The following UGT3A1 variants were observed in gnomAD, a reference collection of about 807,000 sequenced individuals.
UGT3A1 encodes UDP-glycosyltransferase 3A1.
In UGT3A1, 40 loss-of-function variants were observed where a neutral mutation model predicts 37.6. That is an observed-to-expected ratio of 1.06 (90% CI 0.83 to 1.38). The LOEUF (loss-of-function observed/expected upper bound fraction) is 1.38. Among genes scored for constraint, UGT3A1 ranks in the 40% most tolerant of loss-of-function variants. The pLI, the probability that UGT3A1 is intolerant of heterozygous loss-of-function variation, is 0.00. For missense variants in UGT3A1, 642 were observed against 634.2 expected (o/e 1.01, Z -0.13); for synonymous variants, 256 against 232.3 (o/e 1.10, Z -0.93).
intron 2 of UGT3A1, among the ~76,000 whole-genome samples, chr5:35,973,932 T>A (rs540588068): frequency 6.6e-6 from 1 of 152,262 alleles, no homozygotes; most frequent in South Asian, 2.1e-4. Flanking sequence ...ATGGCATCCC[T>A]AAAAGAAAAG....
Position 35,990,143 on chromosome 5 carries a change from G to A in UGT3A1, c.94+1004C>T, listed in dbSNP as rs1289281436. Among the ~76,000 whole-genome samples the A allele has an allele frequency of 5.3e-5, 8 of 152,066 alleles. No homozygotes were observed. In the East Asian group the frequency reaches 1.5e-3, roughly 29 times the overall value. On this transcript the variant is annotated intron_variant, in intron 1 of 6. Transcript: ENST00000274278. ...TCCTTAGTGAAAACGGCATCAGAGCGGAAGTTGTGGTGAGCGTGGTCTTGG... is the reference window on the plus strand; with the variant it reads ...TCCTTAGTGAAAACGGCATCAGAGCAGAAGTTGTGGTGAGCGTGGTCTTGG...
At chr5:35,988,259 T>C (rs549850790) in intron 2 of UGT3A1, among the ~76,000 whole-genome samples, 191 bp downstream of exon 2, 1 of 152,296 alleles carries the variant, frequency 6.6e-6, no homozygotes, top group South Asian at 2.1e-4. Flanking sequence ...AAGTATGTTA[T>C]GTGAAGTCTT....
intron 1 of UGT3A1, among the ~76,000 whole-genome samples, chr5:35,989,418 A>C (rs1740850717): frequency 6.6e-6 from 1 of 152,356 alleles, no homozygotes; most frequent in East Asian, 1.9e-4. Context: ...ATCAGAAGAG[A>C]AATTAATGGA....
At chr5:35,981,905 C>T (rs182017204) in intron 2 of UGT3A1, among the ~76,000 whole-genome samples, 126 of 152,340 alleles carry the variant, frequency 8.3e-4, no homozygotes, top group African/African-American at 3.0e-3. Flanking sequence ...GCCCAGGACC[C>T]CACTGCTCTG....
At chr5:35,987,414 T>A (rs1740770051) in intron 2 of UGT3A1, among the ~76,000 whole-genome samples, 1 of 152,142 alleles carries the variant, frequency 6.6e-6, no homozygotes, top group South Asian at 2.1e-4. Flanking sequence ...ATCCACAGAA[T>A]CATTTGTAGA....
intron 4 of UGT3A1, chr5:35,962,063 G>T (rs1397622772): frequency 6.6e-6 from 1 of 152,112 alleles, no homozygotes; most frequent in Non-Finnish European, 1.5e-5. Context: ...TACTGGTACT[G>T]CTTCTCTTCC....
rs754349872 is a variant in UGT3A1, at chr5:35,955,847, G to T, written c.1093C>A (p.Leu365Ile). The T allele has an allele frequency of 1.9e-6, 3 of 1,614,206 alleles. No individual in the cohort carries two copies. The highest frequency in any genetic ancestry group is 2.2e-5 in the South Asian group (2 of 91,088). Reference protein sequence around the residue: ...SDLLAHPSIRLFVTHGGQNSV... With the variant: ...SDLLAHPSIRIFVTHGGQNSV... ...TTCTGCCCACCATGAGTGACAAAAA[G>T]ACGGATGCTGGGGTGAGCTGTGGCA... Residue 365 changes from leucine to isoleucine, a missense_variant, in exon 6 of 7, where the codon CTT (leucine) becomes ATT (isoleucine). Leu to Ile is a conservative substitution (Grantham distance 5, BLOSUM62 2). Transcript: ENST00000274278.
Position 35,988,564 on chromosome 5 carries a change from C to A in UGT3A1, c.95-13G>T. On this transcript the variant is annotated splice_polypyrimidine_tract_variant and intron_variant, in intron 1 of 6. Coordinates refer to ENST00000274278, the MANE Select transcript of UGT3A1 (RefSeq NM_152404.4). ...TAATGGCTTCCACCTAGAAACAATG[C>A]ACAATGTCTTTTGTAAAGATGAAAA... The A allele has an allele frequency of 6.3e-7, 1 of 1,582,156 alleles. No individual in the cohort carries two copies. The highest frequency in any genetic ancestry group is 8.6e-7 in the Non-Finnish European group (1 of 1,159,202).
intron 2 of UGT3A1, among the ~76,000 whole-genome samples, chr5:35,981,016 G>A (rs1009878825): frequency 6.6e-6 from 1 of 152,162 alleles, no homozygotes; most frequent in Non-Finnish European, 1.5e-5. Flanking sequence ...AGAATTTTCT[G>A]GTCAGGAGAA....
chr5:35,960,496 A>T (rs1470976363), intron 4 of UGT3A1, among the ~76,000 whole-genome samples: 2 of 152,198 alleles, frequency 1.3e-5, no homozygotes, highest in Non-Finnish European at 2.9e-5. Context: ...GCTGCTGCTC[A>T]AACTCCTTAC....
intron 3 of UGT3A1, among the ~76,000 whole-genome samples, chr5:35,966,929 C>A (rs941416043): frequency 6.6e-6 from 1 of 152,074 alleles, no homozygotes; most frequent in African/African-American, 2.4e-5. Context: ...TGAAATTATC[C>A]ACTATTTCAT....
intron 2 of UGT3A1, among the ~76,000 whole-genome samples, chr5:35,979,167 T>A (rs1171965861): frequency 6.6e-6 from 1 of 152,172 alleles, no homozygotes; most frequent in Non-Finnish European, 1.5e-5. Context: ...TCCACAGACA[T>A]GCCCTGGAGA....
chr5:35,963,855 C>T (rs1263985888), intron 4 of UGT3A1, among the ~76,000 whole-genome samples: 3 of 152,148 alleles, frequency 2.0e-5, no homozygotes, highest in African/African-American at 7.2e-5. Context: ...ACTGCTCATG[C>T]CTGTAGTTGT....
At position 35,951,636 on chromosome 5, in the gene UGT3A1, CA is replaced by C. The variant is rs1739202540; in HGVS notation, c.*2565del. The C allele has an allele frequency of 2.0e-5, 3 of 152,174 alleles. No individual in the cohort carries two copies. Among genetic ancestry groups the C allele is most frequent in the Admixed American group, 6.5e-5 (1 of 15,286 alleles). The allele number at this position is 152,174 out of a possible 1,614,324, so 9.4% of individuals were successfully genotyped here. A position where few individuals can be genotyped will look rare whatever the true frequency, so the allele number is the denominator to read the frequency against. On this transcript the variant is annotated 3_prime_UTR_variant, in exon 7 of 7. Transcript: ENST00000274278. ...GATATATGCTGCAGCTATGTTTCTC[CA>C]ACTTTTTAATTTGGATCGCTAATCT...
At chr5:35,991,904 G>C (rs531058348), upstream of UGT3A1, among the ~76,000 whole-genome samples, 2 of 152,226 alleles carry the variant, frequency 1.3e-5, no homozygotes, top group African/African-American at 4.8e-5. Flanking sequence ...ACTGAAATTC[G>C]AACACAGAGA....
chr5:35,967,153 C>A (rs189666430), intron 3 of UGT3A1, among the ~76,000 whole-genome samples: 112 of 152,106 alleles, frequency 7.4e-4, no homozygotes, highest in Non-Finnish European at 1.3e-3. Context: ...AGAGAAGAGA[C>A]AACACATATA....
intron 3 of UGT3A1, among the ~76,000 whole-genome samples, chr5:35,966,444 C>T (rs1739812031): frequency 6.6e-6 from 1 of 152,098 alleles, no homozygotes; most frequent in African/African-American, 2.4e-5. Context: ...AAAATCTCAG[C>T]TGAAACGAGA....
At chr5:35,981,211 T>C (rs892321479) in intron 2 of UGT3A1, among the ~76,000 whole-genome samples, 3 of 152,152 alleles carry the variant, frequency 2.0e-5, no homozygotes, top group Non-Finnish European at 4.4e-5. Context: ...CAAAATGGCA[T>C]CATAGAATCA....
chr5:35,989,800 CAGAA>C (rs1408624769), intron 1 of UGT3A1, among the ~76,000 whole-genome samples: 1 of 152,180 alleles, frequency 6.6e-6, no homozygotes, highest in Non-Finnish European at 1.5e-5. Context: ...TACTAACACT[CAGAA>C]AGCGGGGAAA....
Sources: allele counts gnomAD v4.1 joint callset (sites outside exome capture counted in the v4.1 genomes callset), GRCh38; gene constraint gnomAD v4.1.1; transcripts MANE v1.5; gene names NCBI Gene and HGNC (gene_info 2026-07-23, HGNC 2026-07-21).